The following SIPA1L1 variants were observed in gnomAD, a reference collection of about 807,000 sequenced individuals.
The protein encoded by SIPA1L1 is signal-induced proliferation-associated 1-like protein 1.
In SIPA1L1, 26 loss-of-function variants were observed where a neutral mutation model predicts 162.7. The observed-to-expected ratio is 0.16, with a 90% CI of 0.12 to 0.22. The LOEUF is 0.22. Ranked by LOEUF, SIPA1L1 falls within the 10% of genes least tolerant of loss-of-function variation. The pLI is 1.00. For synonymous variants in SIPA1L1, 829 were observed against 837.4 expected (o/e 0.99, Z 0.17); for missense variants, 1,874 against 2,241.0 (o/e 0.84, Z 3.31).
intron 7 of SIPA1L1, among the ~76,000 whole-genome samples, chr14:71,647,720 A>C (rs764903570): frequency 6.6e-6 from 1 of 152,130 alleles, no homozygotes; most frequent in Non-Finnish European, 1.5e-5. Flanking sequence ...CATCGAGACT[A>C]TCTCTCCCTT....
At chr14:71,373,658 A>C (rs1485461639) in intron 2 of SIPA1L1, among the ~76,000 whole-genome samples, 1 of 100,016 alleles carries the variant, frequency 1.0e-5, no homozygotes, top group African/African-American at 3.6e-5. Context: ...CTCTGTCTCC[A>C]AAAAAAAAAA....
chr14:71,735,429 G>C (rs746093072), intron 22 of SIPA1L1, 38 bp downstream of exon 22: 1 of 1,380,298 alleles, frequency 7.2e-7, no homozygotes. Flanking sequence ...TGCACCTTGT[G>C]TCACATCTGC....
At chr14:71,462,921 G>C (rs1030612748) in intron 2 of SIPA1L1, among the ~76,000 whole-genome samples, 1 of 152,234 alleles carries the variant, frequency 6.6e-6, no homozygotes, top group African/African-American at 2.4e-5. Context: ...GACAGGAATG[G>C]AGAAAAAGGC....
At chr14:71,582,368 A>G (rs1000655619) in intron 4 of SIPA1L1, among the ~76,000 whole-genome samples, 1 of 152,030 alleles carries the variant, frequency 6.6e-6, no homozygotes, top group Non-Finnish European at 1.5e-5. Context: ...TTATTCCACC[A>G]CGTAACTTGT....
chr14:71,562,559 T>C lies in SIPA1L1; in HGVS notation c.-302-25012T>C, dbSNP rs372782545. On this transcript the variant is annotated intron_variant, in intron 4 of 23. Coordinates refer to ENST00000381232, the MANE Select transcript of SIPA1L1 (RefSeq NM_001386936.1). The stretch of plus-strand genomic sequence containing the variant: ...CATAATAAATGCTCAATTAATAGAA[T>C]AGCTTTTTCAGTAACTTGCATGTTA... 2.6e-4 allele frequency among the ~76,000 whole-genome samples: 40 copies of C among 152,340 alleles called. 1 individual carries two copies. In the South Asian group the frequency reaches 3.7e-3, roughly 14 times the overall value.
chr14:71,722,887 C>T (rs531023285), intron 17 of SIPA1L1, among the ~76,000 whole-genome samples: 16 of 152,298 alleles, frequency 1.1e-4, no homozygotes, highest in African/African-American at 3.6e-4. Context: ...AGGCACACAC[C>T]ACCATGCCCA....
intron 2 of SIPA1L1, among the ~76,000 whole-genome samples, chr14:71,481,018 C>T (rs762710037): frequency 3.3e-5 from 5 of 152,160 alleles, no homozygotes; most frequent in Non-Finnish European, 7.3e-5. Flanking sequence ...CCCAGGACAC[C>T]TGTAGTCATT....
chr14:71,456,915 G>T (rs961658489), intron 2 of SIPA1L1, among the ~76,000 whole-genome samples: 5 of 152,166 alleles, frequency 3.3e-5, no homozygotes, highest in African/African-American at 1.2e-4. Flanking sequence ...TAGGACATCA[G>T]TATTGCCATC....
At chr14:71,705,734 T>A (rs2082391016) in intron 16 of SIPA1L1, among the ~76,000 whole-genome samples, 1 of 152,016 alleles carries the variant, frequency 6.6e-6, no homozygotes, top group East Asian at 2.0e-4. Context: ...ACCATATCTT[T>A]GATTCTGCTG....
intron 4 of SIPA1L1, among the ~76,000 whole-genome samples, chr14:71,546,664 C>T (rs975457907): frequency 6.6e-6 from 1 of 152,028 alleles, no homozygotes; most frequent in Admixed American, 6.6e-5. Context: ...TAATGAATTC[C>T]TTTTTTAATG....
intron 7 of SIPA1L1, among the ~76,000 whole-genome samples, chr14:71,632,589 C>T (rs1427920410): frequency 6.6e-6 from 1 of 152,176 alleles, no homozygotes; most frequent in East Asian, 1.9e-4. Context: ...CAGCTCCCCA[C>T]TGTGTGGCAT....
chr14:71,633,651 T>C (rs921359840), intron 7 of SIPA1L1, among the ~76,000 whole-genome samples: 2 of 152,130 alleles, frequency 1.3e-5, no homozygotes, highest in African/African-American at 2.4e-5. Flanking sequence ...TACCAAAAAT[T>C]ATAAATTCTG....
At chr14:71,380,909 A>T (rs1208319739) in intron 2 of SIPA1L1, among the ~76,000 whole-genome samples, 1 of 152,202 alleles carries the variant, frequency 6.6e-6, no homozygotes, top group Non-Finnish European at 1.5e-5. Flanking sequence ...AGCCTCTTAA[A>T]GCATATTTCA....
intron 2 of SIPA1L1, among the ~76,000 whole-genome samples, chr14:71,414,607 T>A (rs893850658): frequency 2.6e-5 from 4 of 152,212 alleles, no homozygotes; most frequent in African/African-American, 9.6e-5. Context: ...CTTAAGAAGG[T>A]TTTCTGTTAC....
intron 2 of SIPA1L1, among the ~76,000 whole-genome samples, chr14:71,379,321 A>G (rs1407987056): frequency 1.3e-5 from 2 of 150,242 alleles, no homozygotes; most frequent in Admixed American, 6.6e-5. Flanking sequence ...TTTTCCTTTA[A>G]GAGACTGGGT....
chr14:71,695,287 A>ATG, intron 13 of SIPA1L1, among the ~76,000 whole-genome samples: 1 of 152,220 alleles, frequency 6.6e-6, no homozygotes, highest in East Asian at 1.9e-4. Flanking sequence ...TGTGTGTTCT[A>ATG]TGTGTGTGAA....
At chr14:71,602,017 T>C (rs948840550) in intron 5 of SIPA1L1, among the ~76,000 whole-genome samples, 10 of 152,072 alleles carry the variant, frequency 6.6e-5, no homozygotes, top group African/African-American at 2.4e-4. Context: ...AAAACAACTT[T>C]TTATTTTGTA....
intron 2 of SIPA1L1, among the ~76,000 whole-genome samples, chr14:71,374,326 T>C (rs998346591): frequency 3.3e-5 from 5 of 152,306 alleles, no homozygotes; most frequent in Admixed American, 1.3e-4. Context: ...TTTGTAATTA[T>C]TTATATACTC....
At chr14:71,695,648 T>G (rs545361779) in intron 13 of SIPA1L1, among the ~76,000 whole-genome samples, 34 of 152,270 alleles carry the variant, frequency 2.2e-4, no homozygotes, top group Non-Finnish European at 4.3e-4. Context: ...TACCCCTAAG[T>G]CAAAAAATCA....
Sources: gnomAD v4.1 joint callset for allele counts (sites outside exome capture counted in the v4.1 genomes callset) on GRCh38, gnomAD v4.1.1 for gene constraint, MANE v1.5 for transcripts, NCBI Gene and HGNC (gene_info 2026-07-23, HGNC 2026-07-21) for gene names.